Variants in PTH1R observed in about 807,000 individuals in gnomAD.
PTH1R encodes the protein parathyroid hormone/parathyroid hormone-related peptide receptor.
PTH1R carries 32 observed loss-of-function variants against 70.7 expected under a neutral mutation model. The ratio of observed to expected loss-of-function variants is 0.45; its 90% CI spans 0.34 to 0.61. PTH1R has a LOEUF of 0.61. PTH1R is among the 20% of genes least tolerant of loss of function. The pLI, the probability that PTH1R is intolerant of heterozygous loss-of-function variation, is 0.01. For synonymous variants in PTH1R, 329 were observed against 324.8 expected (o/e 1.01, Z -0.14); for missense variants, 626 against 792.5 (o/e 0.79, Z 2.52).
chr3:46,903,672 T>C lies in PTH1R; in HGVS notation c.*16T>C. On this transcript the variant is annotated 3_prime_UTR_variant, in exon 16 of 16. Transcript: ENST00000449590. This position sits in a 1 kb window ranked among gnomAD's most constrained non-coding sequence, Gnocchi z 4.4. ...AGTCATGTGACCAGGCGCTGGGGGC[T>C]GGACCTGCTGACATAGTGGATGGAC... The C allele has an allele frequency of 6.2e-7, 1 of 1,604,812 alleles. No homozygotes were observed. Among genetic ancestry groups the C allele is most frequent in the Non-Finnish European group, 8.5e-7 (1 of 1,179,926 alleles).
chr3:46,883,458 G>T lies in PTH1R; in HGVS notation c.-48-54G>T. ...GGGACGCCGGGGTCCCATAGGCCGG[G>T]GCGTGGGCGGGGCGGCCAGCCTGAC... On this transcript the variant is annotated intron_variant, in intron 2 of 15. Coordinates refer to ENST00000449590, the MANE Select transcript of PTH1R (RefSeq NM_000316.3). This position sits in a 1 kb window ranked among gnomAD's most constrained non-coding sequence, Gnocchi z 6.4. 1 of 1,033,492 alleles carries T rather than the reference G, an allele frequency of 9.7e-7. No homozygotes were observed. The allele number at this position is 1,033,492 out of a possible 1,614,324, so 64.0% of individuals were successfully genotyped here.
At chr3:46,889,844 A>T (rs1452558043) in intron 3 of PTH1R, among the ~76,000 whole-genome samples, 3 of 152,086 alleles carry the variant, frequency 2.0e-5, no homozygotes, top group African/African-American at 7.2e-5. Flanking sequence ...AGATCTGCAG[A>T]TCCGCTGGAT....
rs200726217 is a variant in PTH1R, at chr3:46,897,938, G to T, written c.397G>T (p.Asp133Tyr). The change falls in exon 6 of 16, where the codon GAC becomes TAC. Residue 133 changes from aspartate (D) to tyrosine (Y), a missense_variant. By Grantham distance (160) the Asp-to-Tyr change is radical. This residue lies in a region of PTH1R where 495 missense variants were observed against 638.7 expected (regional missense o/e 0.77). Transcript: ENST00000449590. ...TGAGGTGGTGGCTGTGCCCTGTCCG[G>T]ACTACATTTATGACTTCAATCACAA... ...PGEVVAVPCP[D>Y]YIYDFNHKGH... The T allele has an allele frequency of 6.2e-7, 1 of 1,613,988 alleles. No individual in the cohort carries two copies. Among genetic ancestry groups the T allele is most frequent in the Non-Finnish European group, 8.5e-7 (1 of 1,180,032 alleles).
Position 46,882,800 on chromosome 3 carries a change from C to T in PTH1R, c.-48-712C>T, listed in dbSNP as rs1030078372. On this transcript the variant is annotated intron_variant, in intron 2 of 15. Coordinates refer to ENST00000449590, the MANE Select transcript of PTH1R (RefSeq NM_000316.3). The surrounding 1 kb of genome is among the most constrained non-coding windows in gnomAD (Gnocchi z 4.3). ...ACAGAGCGTCGGGGCCGCTGCGCGC[C>T]CGAGCCGCACAGGCGCAAGCGGGGC... is the stretch of plus-strand genomic sequence containing the variant. Among the ~76,000 whole-genome samples, 3 of 151,978 alleles carry T rather than the reference C, an allele frequency of 2.0e-5. No homozygotes were observed. Among genetic ancestry groups the T allele is most frequent in the Non-Finnish European group, 4.4e-5 (3 of 67,962 alleles).
Position 46,892,646 on chromosome 3 carries a change from C to T in PTH1R, c.76-1261C>T. 1 of 745,580 alleles carries T rather than the reference C, an allele frequency of 1.3e-6. No individual in the cohort carries two copies. The highest frequency in any genetic ancestry group is 6.0e-5 in the South Asian group (1 of 16,556). The allele number at this position is 745,580 out of a possible 1,614,324, so 46.2% of individuals were successfully genotyped here. On this transcript the variant is annotated intron_variant, in intron 3 of 15. Coordinates refer to ENST00000449590, the MANE Select transcript of PTH1R (RefSeq NM_000316.3). This position sits in a 1 kb window ranked among gnomAD's most constrained non-coding sequence, Gnocchi z 5.2. ...CAGGCTCTCTGACCCGGCCTGCCCG[C>T]CCCTCTCGCCGGTGCCCGCCCCATG...
At chr3:46,888,256 A>G (rs1481349776) in intron 3 of PTH1R, among the ~76,000 whole-genome samples, 4 of 152,160 alleles carry the variant, frequency 2.6e-5, no homozygotes, top group Non-Finnish European at 5.9e-5. Flanking sequence ...CCATCATTCT[A>G]TGGGTTATTT....
At position 46,899,416 on chromosome 3, in the gene PTH1R, AGAG is replaced by A. The variant is rs1483626420; in HGVS notation, c.949_951del (p.Glu317del). The A allele has an allele frequency of 6.2e-6, 10 of 1,613,488 alleles. No individual in the cohort carries two copies. The highest frequency in any genetic ancestry group is 7.6e-6 in the Non-Finnish European group (9 of 1,180,004). On this transcript the variant is annotated inframe_deletion, in exon 10 of 16. Transcript: ENST00000449590. ...GCCTCATCTTCATGGCCTTCTTCTC[AGAG>A]AAGAAGTACCTGTGGGGCTTCACAG...
Position 46,903,363 on chromosome 3 carries a change from G to A in PTH1R, c.1489G>A (p.Gly497Ser), listed in dbSNP as rs774824754. Residue 497 changes from glycine to serine, a missense_variant, in exon 16 of 16, where the codon GGC (glycine) becomes AGC (serine). Coordinates refer to ENST00000449590, the MANE Select transcript of PTH1R (RefSeq NM_000316.3). This position sits in a 1 kb window ranked among gnomAD's most constrained non-coding sequence, Gnocchi z 4.4. ...CAGCGGGAGCAGCAGCTATAGCTACGGCCCCATGGTGTCCCACACAAGTGT... is the reference window on the plus strand; with the variant it reads ...CAGCGGGAGCAGCAGCTATAGCTACAGCCCCATGGTGTCCCACACAAGTGT... ...ARSGSSSYSY[G>S]PMVSHTSVTN... 7.4e-6 allele frequency: 12 copies of A among 1,613,502 alleles called. No individual in the cohort carries two copies. Among genetic ancestry groups the A allele is most frequent in the Admixed American group, 1.7e-5 (1 of 60,006 alleles).
chr3:46,898,557 A>G, intron 8 of PTH1R, 85 bp downstream of exon 8: 3 of 1,598,754 alleles, frequency 1.9e-6, no homozygotes, highest in Non-Finnish European at 1.7e-6. Flanking sequence ...CCCTGCACCC[A>G]TCACCCCCGG....
At chr3:46,888,758 A>AT (rs755827353) in intron 3 of PTH1R, among the ~76,000 whole-genome samples, 24 of 152,148 alleles carry the variant, frequency 1.6e-4, no homozygotes, top group Non-Finnish European at 3.1e-4. Flanking sequence ...CTGGGCCTTG[A>AT]TTCCTCAACC....
At position 46,901,409 on chromosome 3, in the gene PTH1R, C is replaced by A. The variant is rs748319485; in HGVS notation, c.1050-5C>A. Reference sequence around the variant, plus strand: ...GATGGGAGCTAATGCCTCAACCTCCCCCAGGTGCTGGGACTTGAGCTCCGG... The same window carrying A: ...GATGGGAGCTAATGCCTCAACCTCCACCAGGTGCTGGGACTTGAGCTCCGG... On this transcript the variant is annotated splice_polypyrimidine_tract_variant and splice_region_variant and intron_variant, in intron 11 of 15. Coordinates refer to ENST00000449590, the MANE Select transcript of PTH1R (RefSeq NM_000316.3). The surrounding 1 kb of genome is among the most constrained non-coding windows in gnomAD (Gnocchi z 7.3). 3 of 1,566,990 alleles carry A rather than the reference C, an allele frequency of 1.9e-6. No homozygotes were observed. Among genetic ancestry groups the A allele is most frequent in the Non-Finnish European group, 2.6e-6 (3 of 1,155,186 alleles).
chr3:46,903,213 T>C lies in PTH1R; in HGVS notation c.1396-57T>C, dbSNP rs958176774. 1.0e-5 allele frequency: 16 copies of C among 1,605,336 alleles called. No individual in the cohort carries two copies. In the African/African-American group the frequency reaches 2.1e-4, roughly 22 times the overall value. The stretch of plus-strand genomic sequence containing the variant: ...CGTGCTGGGTGTCCAGGGGCCGGGA[T>C]GGGGCATCGCTGGGGTTGGGAGACA... On this transcript the variant is annotated intron_variant, in intron 15 of 15. Coordinates refer to ENST00000449590, the MANE Select transcript of PTH1R (RefSeq NM_000316.3). This position sits in a 1 kb window ranked among gnomAD's most constrained non-coding sequence, Gnocchi z 4.4.
chr3:46,890,850 G>A (rs1053341779), intron 3 of PTH1R, among the ~76,000 whole-genome samples: 4 of 152,248 alleles, frequency 2.6e-5, no homozygotes, highest in South Asian at 2.1e-4. Flanking sequence ...TGAGGCACAC[G>A]GGTTAAGCAA....
rs1229514626 is a variant in PTH1R at position 46,891,346 on chromosome 3, C to T, written c.76-2561C>T. On this transcript the variant is annotated intron_variant, in intron 3 of 15. Coordinates refer to ENST00000449590, the MANE Select transcript of PTH1R (RefSeq NM_000316.3). This position sits in a 1 kb window ranked among gnomAD's most constrained non-coding sequence, Gnocchi z 4.3. ...AGTGAGGGGTGTGTTGGTCAGCTTT[C>T]GGTGGTCAGGCTGCCCAATGGCCAC... Among the ~76,000 whole-genome samples, 1 of 152,206 alleles carries T rather than the reference C, an allele frequency of 6.6e-6. No individual in the cohort carries two copies. Among genetic ancestry groups the T allele is most frequent in the East Asian group, 1.9e-4 (1 of 5,190 alleles).
In PTH1R at chr3:46,883,435, G is replaced by A; in HGVS notation, c.-48-77G>A. 2 of 793,462 alleles carry A rather than the reference G, an allele frequency of 2.5e-6. No individual in the cohort carries two copies. Among genetic ancestry groups the A allele is most frequent in the Non-Finnish European group, 1.7e-6 (1 of 598,100 alleles). The allele number at this position is 793,462 out of a possible 1,614,324, so 49.2% of individuals were successfully genotyped here. A position where few individuals can be genotyped will look rare whatever the true frequency, so the allele number is the denominator to read the frequency against. The stretch of plus-strand genomic sequence containing the variant: ...GGGCCCCGGGGCCTCGGGCCGCCGG[G>A]ACGCCGGGGTCCCATAGGCCGGGGC... On this transcript the variant is annotated intron_variant, in intron 2 of 15. Transcript: ENST00000449590. This position sits in a 1 kb window ranked among gnomAD's most constrained non-coding sequence, Gnocchi z 6.4.
Position 46,901,032 on chromosome 3 carries a change from C to T in PTH1R, c.996C>T (p.Pro332=), listed in dbSNP as rs201912453. 1.7e-5 allele frequency: 27 copies of T among 1,582,662 alleles called. No homozygotes were observed. Among genetic ancestry groups the T allele is most frequent in the African/African-American group, 1.5e-4 (11 of 74,628 alleles). The change falls in exon 11 of 16, where the codon CCC becomes CCT. Residue 332 remains proline, a synonymous_variant. Transcript: ENST00000449590. This position sits in a 1 kb window ranked among gnomAD's most constrained non-coding sequence, Gnocchi z 7.3. ...CCCCCTCTGTGCCCACAGGTCTGCC[C>T]GCTGTCTTCGTGGCTGTGTGGGTCA... ...WGFTVFGWGL[P]AVFVAVWVSV... is the part of the protein sequence containing the mutation.
At chr3:46,885,684 C>G (rs1183269144) in intron 3 of PTH1R, among the ~76,000 whole-genome samples, 1 of 152,226 alleles carries the variant, frequency 6.6e-6, no homozygotes, top group Non-Finnish European at 1.5e-5. Flanking sequence ...TGTGAGTTCA[C>G]TGGACACTCC....
Position 46,902,146 on chromosome 3 carries a change from G to T in PTH1R, c.1211+286G>T, listed in dbSNP as rs745626851. On this transcript the variant is annotated intron_variant, in intron 13 of 15. Coordinates refer to ENST00000449590, the MANE Select transcript of PTH1R (RefSeq NM_000316.3). The surrounding 1 kb of genome is among the most constrained non-coding windows in gnomAD (Gnocchi z 5.4). Reference sequence around the variant, plus strand: ...TCTCCTCAAAGAGTTGGTTGCAGGGGGTCTGAGGAACAGGTAGGCGGTGAG... The same window carrying T: ...TCTCCTCAAAGAGTTGGTTGCAGGGTGTCTGAGGAACAGGTAGGCGGTGAG... 5.9e-5 allele frequency among the ~76,000 whole-genome samples: 9 copies of T among 152,186 alleles called. No homozygotes were observed. The highest frequency in any genetic ancestry group is 1.3e-4 in the Non-Finnish European group (9 of 68,030).
At position 46,901,992 on chromosome 3, in the gene PTH1R, G is replaced by A. The variant is rs375149532; in HGVS notation, c.1211+132G>A. 76 of 1,063,910 alleles carry A rather than the reference G, an allele frequency of 7.1e-5. No homozygotes were observed. The South Asian group carries it at 1.0e-3, about 14-fold the overall frequency. The allele number at this position is 1,063,910 out of a possible 1,614,324, so 65.9% of individuals were successfully genotyped here. On this transcript the variant is annotated intron_variant, in intron 13 of 15. Coordinates refer to ENST00000449590, the MANE Select transcript of PTH1R (RefSeq NM_000316.3). This position sits in a 1 kb window ranked among gnomAD's most constrained non-coding sequence, Gnocchi z 7.3. ...GAAAGGACCCAGCGTCTGACTCCCT[G>A]GCTGTCCTCACCCACCTGGCCTGCC...
Sources: gnomAD v4.1 joint callset for allele counts (sites outside exome capture counted in the v4.1 genomes callset) on GRCh38, gnomAD v4.1.1 for gene constraint, gnomAD v4.1.1 regional missense constraint, Gnocchi (gnomAD v3.1) non-coding constraint, MANE v1.5 for transcripts, NCBI Gene and HGNC (gene_info 2026-07-23, HGNC 2026-07-21) for gene names.